The following GRM8 variants were observed in gnomAD, a reference collection of about 807,000 sequenced individuals.
GRM8 encodes the protein glutamate metabotropic receptor 8.
A neutral mutation model predicts 87.2 loss-of-function variants in GRM8; 47 were observed. The ratio of observed to expected loss-of-function variants is 0.54; its 90% CI spans 0.43 to 0.69. The LOEUF (loss-of-function observed/expected upper bound fraction) is 0.69. Among genes scored for constraint, GRM8 ranks in the 30% least tolerant of loss-of-function variants. The pLI, the probability that GRM8 is intolerant of heterozygous loss-of-function variation, is 0.00. For missense variants in GRM8, 1,019 were observed against 1,139.2 expected (o/e 0.89, Z 1.52); for synonymous variants, 396 against 404.5 (o/e 0.98, Z 0.25).
intron 9 of GRM8, among the ~76,000 whole-genome samples, chr7:126,502,234 T>C (rs535159166): frequency 6.6e-5 from 10 of 152,182 alleles, no homozygotes; most frequent in African/African-American, 2.4e-4. Context: ...AACAGCTACC[T>C]GTCCTTTAAT....
At chr7:126,620,455 G>A (rs1044418626) in intron 7 of GRM8, among the ~76,000 whole-genome samples, 4 of 152,026 alleles carry the variant, frequency 2.6e-5, no homozygotes, top group Admixed American at 6.6e-5. Context: ...TTATTCGTAG[G>A]CATCTCAAGC....
chr7:127,107,714 T>C (rs942874788), intron 2 of GRM8, among the ~76,000 whole-genome samples: 12 of 152,220 alleles, frequency 7.9e-5, no homozygotes, highest in Admixed American at 5.9e-4. Flanking sequence ...TGGGATCCAA[T>C]AGTCCCCACT....
At chr7:126,658,207 C>T (rs1045224712) in intron 7 of GRM8, among the ~76,000 whole-genome samples, 1 of 152,224 alleles carries the variant, frequency 6.6e-6, no homozygotes. Context: ...TTTCCAACAA[C>T]AGTCCATCAG....
At chr7:127,135,918 A>G (rs1827923968) in intron 2 of GRM8, among the ~76,000 whole-genome samples, 1 of 152,156 alleles carries the variant, frequency 6.6e-6, no homozygotes, top group Non-Finnish European at 1.5e-5. Context: ...CATCTTGCAC[A>G]ATGCTCTGGA....
intron 2 of GRM8, among the ~76,000 whole-genome samples, chr7:127,192,060 G>C (rs1243037575): frequency 6.6e-6 from 1 of 151,854 alleles, no homozygotes; most frequent in Non-Finnish European, 1.5e-5. Flanking sequence ...GTAAAATGGT[G>C]TTTAACAACT....
intron 9 of GRM8, among the ~76,000 whole-genome samples, chr7:126,492,903 G>T (rs1808200733): frequency 6.6e-6 from 1 of 152,018 alleles, no homozygotes; most frequent in Non-Finnish European, 1.5e-5. Flanking sequence ...TGCCTGGAAA[G>T]CCTCTCCAAG....
Position 126,982,699 on chromosome 7 carries a change from A to T in GRM8, c.728-78016T>A, listed in dbSNP as rs1264282590. ...AACATGTTTTTAACAAAGAAGGAAGAAATATGACAATTACAGTCCTCATTT... is the reference window on the plus strand; with the variant it reads ...AACATGTTTTTAACAAAGAAGGAAGTAATATGACAATTACAGTCCTCATTT... On this transcript the variant is annotated intron_variant, in intron 3 of 10. Coordinates refer to ENST00000339582, the MANE Select transcript of GRM8 (RefSeq NM_000845.3). Among the ~76,000 whole-genome samples the T allele has an allele frequency of 5.9e-5, 9 of 152,370 alleles. No homozygotes were observed. The East Asian group carries it at 1.7e-3, about 29-fold the overall frequency.
At chr7:126,966,288 C>T (rs1386113820) in intron 3 of GRM8, among the ~76,000 whole-genome samples, 2 of 152,098 alleles carry the variant, frequency 1.3e-5, no homozygotes, top group East Asian at 1.9e-4. Context: ...GCATGTACCA[C>T]CACACCCAGT....
At chr7:126,615,577 G>A (rs1372161337) in intron 7 of GRM8, among the ~76,000 whole-genome samples, 1 of 152,082 alleles carries the variant, frequency 6.6e-6, no homozygotes, top group African/African-American at 2.4e-5. Context: ...GACACAGACT[G>A]GCAAATTGGA....
At chr7:126,762,797 G>C (rs960215317) in intron 7 of GRM8, among the ~76,000 whole-genome samples, 4 of 151,296 alleles carry the variant, frequency 2.6e-5, no homozygotes, top group African/African-American at 9.7e-5. Context: ...AATTTTCTTA[G>C]AATACCTTTC....
chr7:126,892,190 T>A (rs551201154), intron 6 of GRM8, among the ~76,000 whole-genome samples: 1 of 152,102 alleles, frequency 6.6e-6, no homozygotes, highest in East Asian at 1.9e-4. Context: ...ATGTGCACAA[T>A]GTGCAGGTTA....
intron 3 of GRM8, among the ~76,000 whole-genome samples, chr7:127,043,715 G>A (rs1818653570): frequency 6.6e-6 from 1 of 152,092 alleles, no homozygotes; most frequent in Admixed American, 6.5e-5. Flanking sequence ...GTATACATAT[G>A]TAACAAACCT....
At chr7:126,657,588 C>A (rs1804668255) in intron 7 of GRM8, among the ~76,000 whole-genome samples, 1 of 152,242 alleles carries the variant, frequency 6.6e-6, no homozygotes, top group Non-Finnish European at 1.5e-5. Context: ...AAGCTTCTAT[C>A]ACTCTCAGCT....
chr7:127,070,421 G>A (rs1375329786), intron 3 of GRM8, among the ~76,000 whole-genome samples: 1 of 152,072 alleles, frequency 6.6e-6, no homozygotes, highest in Admixed American at 6.6e-5. Context: ...GCATCAAATG[G>A]AAGATGAGAT....
At chr7:127,184,146 T>C (rs891201923) in intron 2 of GRM8, among the ~76,000 whole-genome samples, 3 of 151,850 alleles carry the variant, frequency 2.0e-5, no homozygotes, top group Non-Finnish European at 4.4e-5. Context: ...AATTCCTAAC[T>C]CATTCTATGA....
chr7:127,040,445 C>T (rs1034437895), intron 3 of GRM8, among the ~76,000 whole-genome samples: 1 of 152,142 alleles, frequency 6.6e-6, no homozygotes, highest in African/African-American at 2.4e-5. Context: ...GTTTCCTATT[C>T]AGTTACCGAT....
chr7:126,479,945 C>A (rs1806470055), intron 9 of GRM8, among the ~76,000 whole-genome samples: 1 of 151,876 alleles, frequency 6.6e-6, no homozygotes, highest in Non-Finnish European at 1.5e-5. Context: ...ATGACATGAC[C>A]CAGAGGGAAA....
chr7:126,879,121 C>A (rs2130972322), intron 6 of GRM8, among the ~76,000 whole-genome samples: 1 of 149,248 alleles, frequency 6.7e-6, no homozygotes, highest in Non-Finnish European at 1.5e-5. Flanking sequence ...CAAGACGGCG[C>A]CATTGCACTC....
intron 9 of GRM8, among the ~76,000 whole-genome samples, chr7:126,505,509 T>C (rs918490420): frequency 5.3e-5 from 8 of 152,036 alleles, no homozygotes; most frequent in African/African-American, 1.9e-4. Context: ...CCAAACTAAA[T>C]GGAGCAAGAA....
Sources: allele counts gnomAD v4.1 joint callset (sites outside exome capture counted in the v4.1 genomes callset), GRCh38; gene constraint gnomAD v4.1.1; transcripts MANE v1.5; gene names NCBI Gene and HGNC (gene_info 2026-07-23, HGNC 2026-07-21).